Variants in EIF5 observed in about 807,000 individuals in gnomAD.
The protein encoded by EIF5 is eukaryotic translation initiation factor 5.
A neutral mutation model predicts 48.3 loss-of-function variants in EIF5; 10 were observed. That is an observed-to-expected ratio of 0.21 (90% CI 0.13 to 0.35). EIF5 has a LOEUF of 0.35. Ranked by LOEUF, EIF5 falls within the 10% of genes least tolerant of loss-of-function variation. The pLI, the probability that EIF5 is intolerant of heterozygous loss-of-function variation, is 1.00. For synonymous variants in EIF5, 237 were observed against 173.1 expected, an observed-to-expected ratio of 1.37 and a Z score of -2.90; for missense variants, 397 against 533.2, an observed-to-expected ratio of 0.74 and a Z score of 2.51.
intron 4 of EIF5, 182 bp downstream of exon 4, chr14:103,336,299 T>C: frequency 2.9e-6 from 2 of 696,096 alleles, no homozygotes; most frequent in South Asian, 3.8e-5. Context: ...AAAGAGTGGA[T>C]GGCTGGGCGC....
At chr14:103,340,018 C>T (rs1210732708) in intron 10 of EIF5, among the ~76,000 whole-genome samples, 1 of 152,074 alleles carries the variant, frequency 6.6e-6, no homozygotes, top group Non-Finnish European at 1.5e-5. Flanking sequence ...GCGATCATGC[C>T]CAGCTAATTT....
intron 10 of EIF5, among the ~76,000 whole-genome samples, chr14:103,340,100 A>G (rs547663739): frequency 1.2e-3 from 176 of 152,308 alleles, no homozygotes; most frequent in African/African-American, 4.1e-3. Flanking sequence ...CAGGTGATCC[A>G]CTGGCCTCCC....
chr14:103,336,115 C>A lies in EIF5; in HGVS notation c.152C>A (p.Thr51Lys), dbSNP rs769656357. ...GCAAAGGCGCTTAATCGGCCTCCAA[C>A]GTGTAAGTAAAGCTTGGAAAAGTCC... The part of the protein sequence containing the change: ...DVAKALNRPP[T>K]YPTKYFGCEL... The change falls in exon 4 of 12, where the codon ACG (threonine) becomes AAG (lysine). Residue 51 changes from threonine (T) to lysine (K), a missense_variant and splice_region_variant. Physicochemically the swap from Thr to Lys is moderately conservative, Grantham distance 78. Transcript: ENST00000216554. 6.2e-7 allele frequency: 1 copy of A among 1,613,992 alleles called. No homozygotes were observed. Among genetic ancestry groups the A allele is most frequent in the Non-Finnish European group, 8.5e-7 (1 of 1,179,936 alleles).
rs1394638298 is a variant in EIF5, at chr14:103,342,098, A to G, written c.*1046A>G. On this transcript the variant is annotated 3_prime_UTR_variant, in exon 12 of 12. Coordinates refer to ENST00000216554, the MANE Select transcript of EIF5 (RefSeq NM_001969.5). Reference sequence around the variant, plus strand: ...AGATTTTGGTTGCTTTCTTGCCAAAATAAGTGTTAACTGTGTTTCAAACTT... The same window carrying G: ...AGATTTTGGTTGCTTTCTTGCCAAAGTAAGTGTTAACTGTGTTTCAAACTT... 6.6e-6 allele frequency: 1 copy of G among 152,576 alleles called. No homozygotes were observed. The highest frequency in any genetic ancestry group is 2.4e-5 in the African/African-American group (1 of 41,430). The allele number at this position is 152,576 out of a possible 1,614,324, so 9.5% of individuals were successfully genotyped here.
chr14:103,343,785 G>A lies in EIF5; in HGVS notation c.*2733G>A, dbSNP rs546663336. On this transcript the variant is annotated 3_prime_UTR_variant, in exon 12 of 12. Transcript: ENST00000216554. ...TCCTCATCGTGGTCCTGAGGCATAG[G>A]TACTGTTGTACCAAGGTCACTTATC... 7.9e-5 allele frequency: 12 copies of A among 152,316 alleles called. No homozygotes were observed. The highest frequency in any genetic ancestry group is 2.9e-4 in the African/African-American group (12 of 41,566). 9.4% of individuals were successfully genotyped at this position (152,316 alleles called of 1,614,324 possible).
At chr14:103,337,861 G>A (rs1231000205) in intron 6 of EIF5, 1 of 519,648 alleles carries the variant, frequency 1.9e-6, no homozygotes, top group Non-Finnish European at 3.8e-6. Context: ...GCAACACTCT[G>A]TGGCAGATGA....
rs766341277 is a variant in EIF5 at position 103,335,920 on chromosome 14, T to A, written c.60T>A (p.Arg20=). 1 of 1,614,202 alleles carries A rather than the reference T, an allele frequency of 6.2e-7. No individual in the cohort carries two copies. The change falls in exon 3 of 12, where the codon CGT becomes CGA. Residue 20 remains arginine, a synonymous_variant. Coordinates refer to ENST00000216554, the MANE Select transcript of EIF5 (RefSeq NM_001969.5). ...AGTTCTATCGCTACAAGATGCCCCGTCTGATTGCCAAGGTAATAAACTGCT... is the reference window on the plus strand; with the variant it reads ...AGTTCTATCGCTACAAGATGCCCCGACTGATTGCCAAGGTAATAAACTGCT... ...SDQFYRYKMP[R]LIAKVEGKGN...
chr14:103,337,802 G>A (rs765305283), intron 6 of EIF5: 11 of 476,006 alleles, frequency 2.3e-5, no homozygotes, highest in South Asian at 1.5e-4. Context: ...TTCTTTTACT[G>A]GCATTGTTTG....
chr14:103,339,030 T>G, intron 8 of EIF5, 137 bp downstream of exon 8: 6 of 1,473,572 alleles, frequency 4.1e-6, no homozygotes, highest in Non-Finnish European at 5.5e-6. Flanking sequence ...TAAATATTTT[T>G]TGCGCGTGAT....
chr14:103,334,553 C>T lies in EIF5; in HGVS notation c.-253C>T, dbSNP rs1395829423. ...ATATCGCGCCTCACTTCATCCCAGT[C>T]CCGGGCGAGCAGCGTTGGGTTTATG... On this transcript the variant is annotated 5_prime_UTR_variant, in exon 2 of 12. Coordinates refer to ENST00000216554, the MANE Select transcript of EIF5 (RefSeq NM_001969.5). The T allele has an allele frequency of 6.6e-6, 1 of 152,472 alleles. No individual in the cohort carries two copies. The highest frequency in any genetic ancestry group is 2.4e-5 in the African/African-American group (1 of 41,400). The allele number at this position is 152,472 out of a possible 1,614,324, so 9.4% of individuals were successfully genotyped here. A position where few individuals can be genotyped will look rare whatever the true frequency, so the allele number is the denominator to read the frequency against.
intron 4 of EIF5, 143 bp from the exon 5 acceptor site, chr14:103,336,534 C>T: frequency 1.1e-6 from 1 of 870,482 alleles, no homozygotes; most frequent in Non-Finnish European, 1.7e-6. Flanking sequence ...TGAGCTGAGA[C>T]CACGCCGTTG....
intron 4 of EIF5, 195 bp from the exon 5 acceptor site, chr14:103,336,482 G>A (rs1044607317): frequency 2.8e-5 from 17 of 601,392 alleles, no homozygotes; most frequent in Non-Finnish European, 4.8e-5. Flanking sequence ...TTGGGAGGCT[G>A]AAGGGGGAGA....
rs570302227 is a variant in EIF5 at position 103,340,746 on chromosome 14, C to T, written c.1206+185C>T. 2.0e-5 allele frequency among the ~76,000 whole-genome samples: 3 copies of T among 152,186 alleles called. No homozygotes were observed. The East Asian group carries it at 5.8e-4, about 29-fold the overall frequency. On this transcript the variant is annotated intron_variant, in intron 11 of 11. Coordinates refer to ENST00000216554, the MANE Select transcript of EIF5 (RefSeq NM_001969.5). The stretch of plus-strand genomic sequence containing the variant: ...AGAAAGGGTGATGGAAACTGTGTTC[C>T]TACTCCTACACATTATAGTCTATAA...
Position 103,338,929 on chromosome 14 carries a change from C to T in EIF5, c.744+36C>T, listed in dbSNP as rs371697061. The T allele has an allele frequency of 9.4e-6, 15 of 1,603,144 alleles. No individual in the cohort carries two copies. In the African/African-American group the frequency reaches 1.9e-4, roughly 20 times the overall value. On this transcript the variant is annotated intron_variant, in intron 8 of 11. Transcript: ENST00000216554. ...TGCTTGGTCTGTAAATCAGCTTCAA[C>T]CCAGCCTTGTTTGTGCCTTTAGATA...
intron 6 of EIF5, chr14:103,337,477 C>T (rs1029718087): frequency 8.6e-6 from 4 of 467,006 alleles, no homozygotes; most frequent in Admixed American, 8.0e-5. Flanking sequence ...TGGTGTGCTC[C>T]TGTAATCCCA....
At chr14:103,335,959 G>A (rs2089279807) in intron 3 of EIF5, 27 bp downstream of exon 3, 1 of 1,613,996 alleles carries the variant, frequency 6.2e-7, no homozygotes, top group Non-Finnish European at 8.5e-7. Flanking sequence ...CAATTTAGTT[G>A]ATAGCTCTTT....
intron 3 of EIF5, 32 bp downstream of exon 3, chr14:103,335,964 C>T (rs202235078): frequency 3.2e-5 from 51 of 1,613,840 alleles, no homozygotes; most frequent in Non-Finnish European, 4.2e-5. Context: ...TAGTTGATAG[C>T]TCTTTTTGTA....
chr14:103,344,280 A>G lies in EIF5; in HGVS notation c.*3228A>G, dbSNP rs989046682. On this transcript the variant is annotated 3_prime_UTR_variant, in exon 12 of 12. Coordinates refer to ENST00000216554, the MANE Select transcript of EIF5 (RefSeq NM_001969.5). Reference sequence around the variant, plus strand: ...CTAGCCAAACAGTTTTTTTCTGGGAATCAAATTTCTGTGGTTTTTATGGCC... The same window carrying G: ...CTAGCCAAACAGTTTTTTTCTGGGAGTCAAATTTCTGTGGTTTTTATGGCC... The G allele has an allele frequency of 6.6e-6, 1 of 152,194 alleles. No homozygotes were observed. The highest frequency in any genetic ancestry group is 1.5e-5 in the Non-Finnish European group (1 of 68,046). 9.4% of individuals were successfully genotyped at this position (152,194 alleles called of 1,614,324 possible).
In EIF5 at chr14:103,338,343, T is replaced by C; in HGVS notation, c.456T>C (p.Gly152=). 6.2e-7 allele frequency: 1 copy of C among 1,613,720 alleles called. No individual in the cohort carries two copies. Among genetic ancestry groups the C allele is most frequent in the Non-Finnish European group, 8.5e-7 (1 of 1,179,926 alleles). ...TTTCTGTAGAGAATAGTGACAGTGG[T>C]ACAGGAAAGAAAGAAAAAGAAAAGA... The part of the protein sequence containing the change: ...LKNPPENSDS[G]TGKKEKEKKN... The change falls in exon 7 of 12, where the codon GGT becomes GGC. Residue 152 remains glycine, a synonymous_variant. Coordinates refer to ENST00000216554, the MANE Select transcript of EIF5 (RefSeq NM_001969.5).
Sources: allele counts gnomAD v4.1 joint callset (sites outside exome capture counted in the v4.1 genomes callset), GRCh38; gene constraint gnomAD v4.1.1; transcripts MANE v1.5; gene names NCBI Gene and HGNC (gene_info 2026-07-23, HGNC 2026-07-21).